Variants in PNLDC1 observed in about 807,000 individuals in gnomAD.
The protein encoded by PNLDC1 is poly(A)-specific ribonuclease PNLDC1.
A neutral mutation model predicts 82.0 loss-of-function variants in PNLDC1; 70 were observed. The observed-to-expected ratio is 0.85, with a 90% CI of 0.70 to 1.04. The LOEUF (loss-of-function observed/expected upper bound fraction) is 1.04. PNLDC1 is among the 50% of genes least tolerant of loss of function. The pLI, the probability that PNLDC1 is intolerant of heterozygous loss-of-function variation, is 0.00. For missense variants in PNLDC1, 631 were observed against 661.1 expected, an observed-to-expected ratio of 0.95 and a Z score of 0.50; for synonymous variants, 280 against 249.3, an observed-to-expected ratio of 1.12 and a Z score of -1.16.
Position 159,813,499 on chromosome 6 carries a change from G to A in PNLDC1, c.940-102G>A, listed in dbSNP as rs1374833303. 4.8e-5 allele frequency: 47 copies of A among 983,342 alleles called. No individual in the cohort carries two copies. In the East Asian group the frequency reaches 1.1e-3, roughly 24 times the overall value. 60.9% of individuals were successfully genotyped at this position (983,342 alleles called of 1,614,324 possible). The stretch of plus-strand genomic sequence containing the variant: ...AAGAGAAAGAGGAGGTTGTAGGAGT[G>A]AGCATTTTCCAGGCCATTTTAATGA... On this transcript the variant is annotated intron_variant, in intron 11 of 18. Coordinates refer to ENST00000392167, the MANE Select transcript of PNLDC1 (RefSeq NM_001271862.2).
chr6:159,806,956 G>A lies in PNLDC1; in HGVS notation c.562+873G>A, dbSNP rs188094269. On this transcript the variant is annotated intron_variant, in intron 7 of 18. Coordinates refer to ENST00000392167, the MANE Select transcript of PNLDC1 (RefSeq NM_001271862.2). ...TGCCTGGGCTGGAGTGCAATGGCAC[G>A]ATTTCAGCTCACTGCAATCTCCGCC... 3.6e-3 allele frequency among the ~76,000 whole-genome samples: 517 copies of A among 144,546 alleles called. 6 individuals carry two copies. The highest frequency in any genetic ancestry group is 0.013 in the African/African-American group (487 of 38,924). The allele number at this position is 144,546 out of a possible 152,430, so 94.8% of individuals were successfully genotyped here.
Position 159,809,127 on chromosome 6 carries a change from T to C in PNLDC1, c.752T>C (p.Val251Ala). Residue 251 changes from valine to alanine, a missense_variant, in exon 9 of 19, where the codon GTC (valine) becomes GCC (alanine). Val to Ala is a moderately conservative substitution (Grantham distance 64). Transcript: ENST00000392167. ...CTTCTCTCAGCAAGGGGTTTTTCTGTCTTTTTCCAAATGCTGGTGAAAGCC... is the reference window on the plus strand; with the variant it reads ...CTTCTCTCAGCAAGGGGTTTTTCTGCCTTTTTCCAAATGCTGGTGAAAGCC... ...NILLSARGFS[V>A]FFQMLVKAQK... is the part of the protein sequence containing the mutation. 1 of 1,614,142 alleles carries C rather than the reference T, an allele frequency of 6.2e-7. No individual in the cohort carries two copies. The highest frequency in any genetic ancestry group is 8.5e-7 in the Non-Finnish European group (1 of 1,180,034).
At chr6:159,813,740 G>T in intron 12 of PNLDC1, 84 bp downstream of exon 12, 1 of 1,233,824 alleles carries the variant, frequency 8.1e-7, no homozygotes, top group South Asian at 1.2e-5. Flanking sequence ...CTCTCTAGGC[G>T]TGCCCACCAT....
intron 15 of PNLDC1, 35 bp downstream of exon 15, chr6:159,817,186 CG>C: frequency 6.3e-7 from 1 of 1,586,872 alleles, no homozygotes; most frequent in South Asian, 1.1e-5. Flanking sequence ...ACTGTTCAAT[CG>C]GTGGTCAGGA....
intron 3 of PNLDC1, 152 bp downstream of exon 3, chr6:159,801,338 A>G: frequency 1.3e-6 from 1 of 777,896 alleles, no homozygotes; most frequent in Non-Finnish European, 2.2e-6. Flanking sequence ...ACATATGGAA[A>G]TCAACACTTC....
In PNLDC1 at chr6:159,819,670, T is replaced by C. The variant is rs1397726953; in HGVS notation, c.1532+318T>C. Among the ~76,000 whole-genome samples, 3 of 152,118 alleles carry C rather than the reference T, an allele frequency of 2.0e-5. No individual in the cohort carries two copies. Among genetic ancestry groups the C allele is most frequent in the African/African-American group, 7.2e-5 (3 of 41,420 alleles). On this transcript the variant is annotated intron_variant, in intron 18 of 18. Transcript: ENST00000392167. This position sits in a 1 kb window ranked among gnomAD's most constrained non-coding sequence, Gnocchi z 4.6. ...TATAATGTGTTGGGTGACAAGTGTT[T>C]ATTAAAAATGAGAGAAGGGTCAGGA...
chr6:159,808,965 G>A, intron 8 of PNLDC1, 50 bp from the exon 9 acceptor site: 1 of 1,602,772 alleles, frequency 6.2e-7, no homozygotes. Flanking sequence ...ATTTCTTTAG[G>A]CCTCATTCCT....
intron 15 of PNLDC1, 144 bp downstream of exon 15, chr6:159,817,295 C>T: frequency 3.7e-6 from 3 of 808,294 alleles, no homozygotes; most frequent in Non-Finnish European, 6.2e-6. Flanking sequence ...AATCTTGTCC[C>T]TGACTGGGCA....
At chr6:159,805,297 C>T (rs1260217711) in intron 6 of PNLDC1, among the ~76,000 whole-genome samples, 1 of 152,138 alleles carries the variant, frequency 6.6e-6, no homozygotes, top group Non-Finnish European at 1.5e-5. Flanking sequence ...CACCTGGAGC[C>T]AAGTGCTATC....
intron 6 of PNLDC1, among the ~76,000 whole-genome samples, chr6:159,804,844 A>C (rs573048358): frequency 2.2e-4 from 34 of 152,306 alleles, no homozygotes; most frequent in African/African-American, 7.0e-4. Context: ...CCACTCCCTA[A>C]TGAACCTCTC....
At chr6:159,810,700 TA>T (rs1235896762) in intron 10 of PNLDC1, among the ~76,000 whole-genome samples, 1 of 152,168 alleles carries the variant, frequency 6.6e-6, no homozygotes, top group Non-Finnish European at 1.5e-5. Flanking sequence ...GACATTACCT[TA>T]ATTGTAAGAT....
chr6:159,815,886 ATTAAC>A lies in PNLDC1; in HGVS notation c.996-78_996-74del, dbSNP rs1408499215. 8.3e-6 allele frequency: 9 copies of A among 1,084,414 alleles called. No homozygotes were observed. In the African/African-American group the frequency reaches 1.1e-4, roughly 13 times the overall value. The allele number at this position is 1,084,414 out of a possible 1,614,324, so 67.2% of individuals were successfully genotyped here. On this transcript the variant is annotated intron_variant, in intron 12 of 18. Transcript: ENST00000392167. ...TCCTCAGTACATTTAAAAAATTTAT[ATTAAC>A]TTAAGGGACTGAGGGGGAATACAAG...
intron 18 of PNLDC1, 118 bp from the exon 19 acceptor site, chr6:159,820,336 T>C: frequency 1.1e-6 from 1 of 947,072 alleles, no homozygotes; most frequent in Non-Finnish European, 1.7e-6. Context: ...GTCGGGAGAG[T>C]GACAGCAAGA....
At chr6:159,806,635 C>A (rs936089727) in intron 7 of PNLDC1, among the ~76,000 whole-genome samples, 15 of 152,240 alleles carry the variant, frequency 9.9e-5, no homozygotes, top group Non-Finnish European at 1.0e-4. Context: ...GAGCATCATA[C>A]CGTGTTCTTC....
chr6:159,799,973 CT>C (rs1215721429), upstream of PNLDC1, among the ~76,000 whole-genome samples: 1 of 152,202 alleles, frequency 6.6e-6, no homozygotes, highest in African/African-American at 2.4e-5. Flanking sequence ...CCTTTCTGGA[CT>C]CTGTCTTCGT....
Position 159,803,839 on chromosome 6 carries a change from A to G in PNLDC1, c.249-126A>G, listed in dbSNP as rs1397744396. 8 of 1,086,228 alleles carry G rather than the reference A, an allele frequency of 7.4e-6. No individual in the cohort carries two copies. In the East Asian group the frequency reaches 1.7e-4, roughly 23 times the overall value. The allele number at this position is 1,086,228 out of a possible 1,614,324, so 67.3% of individuals were successfully genotyped here. A position where few individuals can be genotyped will look rare whatever the true frequency, so the allele number is the denominator to read the frequency against. The stretch of plus-strand genomic sequence containing the variant: ...GTGCCAATCATAGCTCCTGAAACAC[A>G]GCAGACACTCGGGCACACTCAGATT... On this transcript the variant is annotated intron_variant, in intron 4 of 18. Transcript: ENST00000392167.
chr6:159,815,278 T>G (rs1781775733), intron 12 of PNLDC1, among the ~76,000 whole-genome samples: 1 of 152,252 alleles, frequency 6.6e-6, no homozygotes, highest in African/African-American at 2.4e-5. Context: ...TGGCCTGCCC[T>G]CTTCATACCC....
At chr6:159,805,821 G>T (rs1241572484) in intron 6 of PNLDC1, 162 bp from the exon 7 acceptor site, 1 of 617,496 alleles carries the variant, frequency 1.6e-6, no homozygotes, top group African/African-American at 1.8e-5. Flanking sequence ...GCTTCCTATT[G>T]CATAAGAGCC....
chr6:159,801,250 A>G (rs966807564), intron 3 of PNLDC1, 64 bp downstream of exon 3: 7 of 1,424,048 alleles, frequency 4.9e-6, no homozygotes, highest in South Asian at 2.3e-5. Flanking sequence ...TGGATTTCCT[A>G]CTGTAAAAAC....
Sources: gnomAD v4.1 joint callset for allele counts (sites outside exome capture counted in the v4.1 genomes callset) on GRCh38, gnomAD v4.1.1 for gene constraint, Gnocchi (gnomAD v3.1) non-coding constraint, MANE v1.5 for transcripts, NCBI Gene and HGNC (gene_info 2026-07-23, HGNC 2026-07-21) for gene names.